ACAN: variants seen among roughly 807,000 people sequenced by gnomAD.
ACAN encodes aggrecan, also known as aggrecan core protein.
In ACAN, 47 loss-of-function variants were observed where a neutral mutation model predicts 169.1. The observed-to-expected ratio is 0.28, with a 90% CI of 0.22 to 0.35. The LOEUF (loss-of-function observed/expected upper bound fraction) is 0.35, where lower values mean the gene tolerates loss of function less well. ACAN is among the 10% of genes least tolerant of loss of function. The pLI is 1.00. For synonymous variants in ACAN, 1,115 were observed against 1,112.2 expected (o/e 1.00, Z -0.05); for missense variants, 2,716 against 2,759.9 (o/e 0.98, Z 0.36).
chr15:88,873,709 C>A lies in ACAN; in HGVS notation c.7448-133C>A, dbSNP rs1423762163. ...CAGCCAGCGGCTTCCAGATTCTTAG[C>A]GCTGCATGAAAACGTCCAGGGCTCA... is the stretch of plus-strand genomic sequence containing the variant. On this transcript the variant is annotated intron_variant, in intron 17 of 18. Transcript: ENST00000560601. This position sits in a 1 kb window ranked among gnomAD's most constrained non-coding sequence, Gnocchi z 7.5. 2.5e-5 allele frequency: 23 copies of A among 913,286 alleles called. No homozygotes were observed. Among genetic ancestry groups the A allele is most frequent in the Middle Eastern group, 3.3e-4 (1 of 3,042 alleles). The allele number at this position is 913,286 out of a possible 1,614,324, so 56.6% of individuals were successfully genotyped here.
rs1261557278 is a variant in ACAN, at chr15:88,857,140, G to T, written c.4555G>T (p.Ala1519Ser). ...TTCAGGAGAAGGTCTAGAGACCTCT[G>T]CTTCTGGAGTAGAGGACCTCAGCAG... ...LPSGEGLETS[A>S]SGVEDLSRLP... Residue 1519 changes from alanine (A) to serine (S), a missense_variant, in exon 12 of 19, where the codon GCT becomes TCT. Physicochemically the swap from Ala to Ser is moderately conservative, Grantham distance 99 (BLOSUM62 1). Coordinates refer to ENST00000560601, the MANE Select transcript of ACAN (RefSeq NM_001369268.1). 6.2e-7 allele frequency: 1 copy of T among 1,607,228 alleles called. No individual in the cohort carries two copies. The highest frequency in any genetic ancestry group is 2.2e-5 in the East Asian group (1 of 44,616).
At chr15:88,812,865 T>C (rs1029440989) in intron 1 of ACAN, among the ~76,000 whole-genome samples, 2 of 152,082 alleles carry the variant, frequency 1.3e-5, no homozygotes, top group African/African-American at 4.8e-5. Context: ...TCATGGCCAG[T>C]TTCTCCTGTC....
chr15:88,815,992 G>A (rs1596114201), intron 1 of ACAN, among the ~76,000 whole-genome samples: 1 of 152,282 alleles, frequency 6.6e-6, no homozygotes, highest in Non-Finnish European at 1.5e-5. Flanking sequence ...GCCCCTTCCT[G>A]GCTTCTGGTG....
At chr15:88,835,941 T>C (rs956168710) in intron 1 of ACAN, among the ~76,000 whole-genome samples, 3 of 152,218 alleles carry the variant, frequency 2.0e-5, no homozygotes, top group Non-Finnish European at 4.4e-5. Context: ...CTCATTCAGA[T>C]GAGACTTCAC....
In ACAN at chr15:88,814,206, C is replaced by A. The variant is rs1895886297; in HGVS notation, c.-8+10397C>A. ...ATCTGTGAATTGGGTATAATGACTCCTTCCCGATAGATTTGTTGGGAGGGT... is the reference window on the plus strand; with the variant it reads ...ATCTGTGAATTGGGTATAATGACTCATTCCCGATAGATTTGTTGGGAGGGT... On this transcript the variant is annotated intron_variant, in intron 1 of 18. Transcript: ENST00000560601. This position sits in a 1 kb window ranked among gnomAD's most constrained non-coding sequence, Gnocchi z 4.0. Among the ~76,000 whole-genome samples the A allele has an allele frequency of 6.6e-6, 1 of 152,210 alleles. No homozygotes were observed. The highest frequency in any genetic ancestry group is 2.4e-5 in the African/African-American group (1 of 41,442).
rs535702010 is a variant in ACAN at position 88,872,897 on chromosome 15, G to A, written c.7319G>A (p.Arg2440His). 6.2e-5 allele frequency: 100 copies of A among 1,613,562 alleles called. No homozygotes were observed. Among genetic ancestry groups the A allele is most frequent in the Admixed American group, 1.8e-4 (11 of 60,008 alleles). ...CACCCACAGCAATTTGAGAACTGGCGCCCCAACCAGCCTGACAACTTTTTT... is the reference window on the plus strand; with the variant it reads ...CACCCACAGCAATTTGAGAACTGGCACCCCAACCAGCCTGACAACTTTTTT... ...DGHPMQFENW[R>H]PNQPDNFFAA... The change falls in exon 17 of 19, where the codon CGC (arginine) becomes CAC (histidine). Residue 2440 changes from arginine (R) to histidine (H), a missense_variant. This residue lies in a region of ACAN where 1,389 missense variants were observed against 1,363.7 expected (regional missense o/e 1.02). Coordinates refer to ENST00000560601, the MANE Select transcript of ACAN (RefSeq NM_001369268.1). The surrounding 1 kb of genome is among the most constrained non-coding windows in gnomAD (Gnocchi z 5.4).
intron 6 of ACAN, among the ~76,000 whole-genome samples, chr15:88,844,368 T>TTTATTATTATTATTA (rs59329974): frequency 2.7e-5 from 4 of 149,718 alleles, no homozygotes; most frequent in African/African-American, 9.9e-5. Flanking sequence ...GTCATTTTAC[T>TTTATTATTATTATTA]TTATTATTAT....
Position 88,866,545 on chromosome 15 carries a change from T to C in ACAN, c.6947-1671T>C, listed in dbSNP as rs1448093244. On this transcript the variant is annotated intron_variant, in intron 13 of 18. Coordinates refer to ENST00000560601, the MANE Select transcript of ACAN (RefSeq NM_001369268.1). This position sits in a 1 kb window ranked among gnomAD's most constrained non-coding sequence, Gnocchi z 5.6. The stretch of plus-strand genomic sequence containing the variant: ...GGGTTTGCTTGGAACAGTTCCAACT[T>C]GGAACTGTTGGTTCTAGTCTATGGT... Among the ~76,000 whole-genome samples the C allele has an allele frequency of 5.9e-5, 9 of 152,194 alleles. No individual in the cohort carries two copies. In the East Asian group the frequency reaches 7.7e-4, roughly 13 times the overall value.
In ACAN at chr15:88,861,844, G is replaced by T. The variant is rs895393450; in HGVS notation, c.6946+1405G>T. 2.0e-5 allele frequency among the ~76,000 whole-genome samples: 3 copies of T among 152,192 alleles called. No homozygotes were observed. The highest frequency in any genetic ancestry group is 6.5e-5 in the Admixed American group (1 of 15,288). On this transcript the variant is annotated intron_variant, in intron 13 of 18. Transcript: ENST00000560601. This position sits in a 1 kb window ranked among gnomAD's most constrained non-coding sequence, Gnocchi z 6.3. ...TTCTTGGCAGCCCTGAAATTAATAG[G>T]AGTAAGTGTCAGTGGGCCGTAACTA...
intron 1 of ACAN, among the ~76,000 whole-genome samples, chr15:88,819,646 G>T (rs1209130673): frequency 6.6e-6 from 1 of 150,960 alleles, no homozygotes; most frequent in African/African-American, 2.4e-5. Context: ...CACACCTGTA[G>T]TTCCAGCTAC....
At chr15:88,825,942 G>A (rs1000232452) in intron 1 of ACAN, among the ~76,000 whole-genome samples, 22 of 152,268 alleles carry the variant, frequency 1.4e-4, no homozygotes, top group South Asian at 4.1e-4. Flanking sequence ...GGTTGGCCTC[G>A]GACTGGCAGT....
In ACAN at chr15:88,848,247, T is replaced by C. The variant is rs77833753; in HGVS notation, c.1732+209T>C. Among the ~76,000 whole-genome samples the C allele has an allele frequency of 0.027, 4,139 of 152,252 alleles. 196 individuals carry two copies. The highest frequency in any genetic ancestry group is 0.095 in the African/African-American group (3,943 of 41,510). On this transcript the variant is annotated intron_variant, in intron 9 of 18. Transcript: ENST00000560601. ...CTGCTCTCCTACTGAATGTTTCATG[T>C]GGTCTCCTCCAGCATTGCAGGGGAG...
In ACAN at chr15:88,855,229, T is replaced by G. The variant is rs1460966527; in HGVS notation, c.2644T>G (p.Phe882Val). ...TGGAGATGTTTCAGGACACCTTGAC[T>G]TCAGTGGGCAGCTGTCAGGGGACAG... ...GSGDVSGHLDFSGQLSGDRAS... is the reference protein window; with the variant it reads ...GSGDVSGHLDVSGQLSGDRAS... Residue 882 changes from phenylalanine to valine, a missense_variant, in exon 12 of 19, where the codon TTC (phenylalanine) becomes GTC (valine). Phe to Val is a conservative substitution (Grantham distance 50). Coordinates refer to ENST00000560601, the MANE Select transcript of ACAN (RefSeq NM_001369268.1). The G allele has an allele frequency of 1.2e-6, 2 of 1,604,496 alleles. No individual in the cohort carries two copies. Among genetic ancestry groups the G allele is most frequent in the African/African-American group, 2.7e-5 (2 of 74,742 alleles).
chr15:88,846,574 G>C (rs1436599416), intron 7 of ACAN, among the ~76,000 whole-genome samples: 1 of 152,136 alleles, frequency 6.6e-6, no homozygotes, highest in Non-Finnish European at 1.5e-5. Context: ...TTCATGTCTG[G>C]ATTCAACCAA....
intron 4 of ACAN, among the ~76,000 whole-genome samples, chr15:88,840,959 A>G (rs950984834): frequency 3.3e-5 from 5 of 152,134 alleles, no homozygotes; most frequent in Non-Finnish European, 7.4e-5. Flanking sequence ...CCTAGCTAAC[A>G]TGGTGAAACC....
rs768962559 is a variant in ACAN at position 88,843,627 on chromosome 15, T to C, written c.1030T>C (p.Tyr344His). Residue 344 changes from tyrosine to histidine, a missense_variant, in exon 6 of 19, where the codon TAC becomes CAC. Coordinates refer to ENST00000560601, the MANE Select transcript of ACAN (RefSeq NM_001369268.1). The surrounding 1 kb of genome is among the most constrained non-coding windows in gnomAD (Gnocchi z 4.0). ...QTGYPDPSSR[Y>H]DAICYTGEDF... ...GGGCTACCCCGACCCCTCATCCCGC[T>C]ACGACGCCATCTGCTACACAGGTGG... The C allele has an allele frequency of 6.3e-6, 10 of 1,585,010 alleles. No individual in the cohort carries two copies. The highest frequency in any genetic ancestry group is 8.6e-6 in the Non-Finnish European group (10 of 1,158,730).
chr15:88,845,290 C>T (rs1032420173), intron 6 of ACAN, among the ~76,000 whole-genome samples: 1 of 152,204 alleles, frequency 6.6e-6, no homozygotes, highest in Non-Finnish European at 1.5e-5. Context: ...ATAGCTCTTG[C>T]ACTCTTGCAA....
At chr15:88,853,786 GTACA>G (rs992864584) in intron 11 of ACAN, among the ~76,000 whole-genome samples, 2 of 138,000 alleles carry the variant, frequency 1.4e-5, no homozygotes, top group Admixed American at 7.0e-5. Context: ...ACATACATAC[GTACA>G]TACATACATA....
In ACAN at chr15:88,857,902, C is replaced by G. The variant is rs767359295; in HGVS notation, c.5317C>G (p.Leu1773Val). Reference sequence around the variant, plus strand: ...TATTAGTGGAGAAGCATCTGGAGTTCTTTATGGCACTAGTCAACCCTTTGG... The same window carrying G: ...TATTAGTGGAGAAGCATCTGGAGTTGTTTATGGCACTAGTCAACCCTTTGG... Reference protein sequence around the residue: ...PGISGEASGVLYGTSQPFGIT... With the variant: ...PGISGEASGVVYGTSQPFGIT... The change falls in exon 12 of 19, where the codon CTT becomes GTT. Residue 1773 changes from leucine to valine, a missense_variant. Coordinates refer to ENST00000560601, the MANE Select transcript of ACAN (RefSeq NM_001369268.1). The G allele has an allele frequency of 7.4e-6, 12 of 1,613,448 alleles. No individual in the cohort carries two copies. Among genetic ancestry groups the G allele is most frequent in the Non-Finnish European group, 9.3e-6 (11 of 1,179,662 alleles).
Sources: gnomAD v4.1 joint callset for allele counts (sites outside exome capture counted in the v4.1 genomes callset) on GRCh38, gnomAD v4.1.1 for gene constraint, gnomAD v4.1.1 regional missense constraint, Gnocchi (gnomAD v3.1) non-coding constraint, MANE v1.5 for transcripts, NCBI Gene and HGNC (gene_info 2026-07-23, HGNC 2026-07-21) for gene names.